Variants in PRAMEF20 observed in about 807,000 individuals in gnomAD.
The protein encoded by PRAMEF20 is PRAME family member 20, also known as PRAME family member 20/21.
In PRAMEF20, 27 loss-of-function variants were observed where a neutral mutation model predicts 32.4. That is an observed-to-expected ratio of 0.83 (90% CI 0.61 to 1.15). The LOEUF is 1.15. Among genes scored for constraint, PRAMEF20 ranks in the 50% most tolerant of loss-of-function variants. The probability of loss-of-function intolerance (pLI) is 0.00; values close to 1 mark genes in which losing one functional copy is unlikely to be tolerated. For missense variants in PRAMEF20, 604 were observed against 584.5 expected (o/e 1.03, Z -0.34); for synonymous variants, 256 against 235.4 (o/e 1.09, Z -0.80).
upstream of PRAMEF20, among the ~76,000 whole-genome samples, chr1:13,415,918 C>G (rs997899513): frequency 5.3e-5 from 8 of 152,194 alleles, no homozygotes; most frequent in Admixed American, 2.0e-4. Context: ...AGAACCCATT[C>G]TAGGGATGCC....
chr1:13,418,461 G>A, exon 2 of PRAMEF20: 8 of 1,613,944 alleles, frequency 5.0e-6, no homozygotes, highest in Non-Finnish European at 6.8e-6. Flanking sequence ...GTATCCAGGA[G>A]GTGGAAGTGA....
chr1:13,420,841 T>C, exon 3 of PRAMEF20: 1 of 1,613,948 alleles, frequency 6.2e-7, no homozygotes, highest in Non-Finnish European at 8.5e-7. Flanking sequence ...ATTTCAGCCT[T>C]GTGCCGCTCC....
chr1:13,416,377 G>A, exon 1 of PRAMEF20: 1 of 1,613,208 alleles, frequency 6.2e-7, no homozygotes, highest in Non-Finnish European at 8.5e-7. Context: ...ACTCCACCCA[G>A]ACTCCTGGAG....
Position 13,421,250 on chromosome 1 carries a change from T to C in PRAMEF20, c.1420T>C (p.Cys474Arg), listed in dbSNP as rs1186357820. The change falls in exon 3 of 3, where the codon TGC becomes CGC. Residue 474 changes from cysteine (C) to arginine (R), a missense_variant. Coordinates refer to ENST00000602960, the Ensembl canonical transcript of PRAMEF20. ...TTACGACCTGGAGGTAGATCGGTGT[T>C]GCTGTTGAATGCCTGCCTATTTGGG... 3 of 1,613,746 alleles carry C rather than the reference T, an allele frequency of 1.9e-6. No individual in the cohort carries two copies. In the African/African-American group the frequency reaches 4.0e-5, roughly 22 times the overall value.
upstream of PRAMEF20, among the ~76,000 whole-genome samples, chr1:13,416,155 T>C (rs1468248842): frequency 6.6e-6 from 1 of 152,208 alleles, no homozygotes; most frequent in East Asian, 1.9e-4. Context: ...TGGGAGATGC[T>C]TATGCTGATG....
At chr1:13,417,910 TTGTGTGTGTGTGTGTGTG>T (rs71272484) in intron 1 of PRAMEF20, among the ~76,000 whole-genome samples, 194 bp from the exon 3 acceptor site, 31 of 124,292 alleles carry the variant, frequency 2.5e-4, no homozygotes, top group East Asian at 1.0e-3. Flanking sequence ...CCCGGCTAAT[TTGTGTGTGTGTGTGTGTG>T]TGTGTGTGTG....
the PRAMEF20 span, among the ~76,000 whole-genome samples, chr1:13,410,810 C>T: frequency 3.9e-5 from 6 of 151,910 alleles, no homozygotes; most frequent in East Asian, 1.9e-4. Flanking sequence ...TTTGAGCCCA[C>T]GGGTTCAAGA....
intron 1 of PRAMEF20, among the ~76,000 whole-genome samples, chr1:13,417,910 T>TGTG (rs1369049111): frequency 0.028 from 3,456 of 124,274 alleles, 203 homozygotes; most frequent in Non-Finnish European, 0.032. Flanking sequence ...CCCGGCTAAT[T>TGTG]TGTGTGTGTG....
At chr1:13,414,030 T>G (rs1641137531), upstream of PRAMEF20, among the ~76,000 whole-genome samples, 1 of 152,028 alleles carries the variant, frequency 6.6e-6, no homozygotes, top group South Asian at 2.1e-4. Flanking sequence ...GCAGTTTTTG[T>G]GTTTTTGTTT....
At chr1:13,411,526 G>GATTTCCAATTATTTCCAATT (rs1641114124), upstream of PRAMEF20, among the ~76,000 whole-genome samples, 2 of 152,092 alleles carry the variant, frequency 1.3e-5, no homozygotes, top group South Asian at 4.1e-4. Flanking sequence ...CAGTCTTAAA[G>GATTTCCAATTATTTCCAATT]ATTTCCAATA....
upstream of PRAMEF20, among the ~76,000 whole-genome samples, chr1:13,412,645 TC>T (rs1200880853): frequency 2.7e-5 from 4 of 150,912 alleles, no homozygotes; most frequent in Non-Finnish European, 5.9e-5. Context: ...CATTTTCCTA[TC>T]TAGTTTTCAC....
chr1:13,413,420 A>G (rs1200771352), upstream of PRAMEF20, among the ~76,000 whole-genome samples: 1 of 152,116 alleles, frequency 6.6e-6, no homozygotes, highest in Non-Finnish European at 1.5e-5. Flanking sequence ...GCTGGAGTGC[A>G]GTGGTACAAT....
chr1:13,418,198 C>T (rs1641203212), exon 2 of PRAMEF20: 9 of 1,613,538 alleles, frequency 5.6e-6, no homozygotes, highest in African/African-American at 1.3e-5. Context: ...AGCCATGGCC[C>T]GTAGGTGCTT....
chr1:13,417,550 G>C (rs1425675507), intron 1 of PRAMEF20, among the ~76,000 whole-genome samples: 1 of 150,882 alleles, frequency 6.6e-6, no homozygotes, highest in East Asian at 2.0e-4. Context: ...TTGCAGTGAG[G>C]CGAGATTGCG....
At chr1:13,412,027 A>T (rs1255929575), upstream of PRAMEF20, among the ~76,000 whole-genome samples, 6 of 131,948 alleles carry the variant, frequency 4.5e-5, no homozygotes, top group Non-Finnish European at 9.6e-5. Context: ...CTTTAATTTA[A>T]TTTATTTTAT....
chr1:13,418,431 GA>G lies in PRAMEF20; in HGVS notation c.601del (p.Thr201GlnfsTer4). On this transcript the variant is annotated frameshift_variant, in exon 2 of 3. Transcript: ENST00000602960. LOFTEE classifies it high-confidence loss of function. The stretch of plus-strand genomic sequence containing the variant: ...TCTTCCACAATATCAGAAACATCCT[GA>G]AAACAGTCAACCTAGACTGTATCCA... The G allele has an allele frequency of 6.2e-7, 1 of 1,613,904 alleles. No homozygotes were observed. Among genetic ancestry groups the G allele is most frequent in the Non-Finnish European group, 8.5e-7 (1 of 1,179,852 alleles).
upstream of PRAMEF20, among the ~76,000 whole-genome samples, chr1:13,415,501 G>A (rs1198845099): frequency 2.6e-5 from 4 of 152,130 alleles, no homozygotes; most frequent in Non-Finnish European, 5.9e-5. Flanking sequence ...AAATAATGAG[G>A]CCGGAGCAGA....
chr1:13,416,797 C>G (rs941025879), intron 1 of PRAMEF20, among the ~76,000 whole-genome samples, 156 bp downstream of exon 2: 5 of 152,222 alleles, frequency 3.3e-5, no homozygotes, highest in Admixed American at 6.5e-5. Context: ...CCCAGCTCCT[C>G]AGGGAAAGGA....
At chr1:13,416,571 C>G in exon 1 of PRAMEF20, 1 of 1,614,138 alleles carries the variant, frequency 6.2e-7, no homozygotes, top group Non-Finnish European at 8.5e-7. Flanking sequence ...GATGAAAAGG[C>G]CTTGCCCAGA....
Sources: allele counts gnomAD v4.1 joint callset (sites outside exome capture counted in the v4.1 genomes callset), GRCh38; gene constraint gnomAD v4.1.1; transcripts MANE v1.5; gene names NCBI Gene and HGNC (gene_info 2026-07-23, HGNC 2026-07-21).